Variants in RAVER1 observed in about 807,000 individuals in gnomAD.
The protein encoded by RAVER1 is ribonucleoprotein PTB-binding 1.
RAVER1 carries 36 observed loss-of-function variants against 68.4 expected under a neutral mutation model. That is an observed-to-expected ratio of 0.53 (90% confidence interval 0.40 to 0.70). The LOEUF is 0.70. RAVER1 is among the 30% of genes least tolerant of loss of function. The probability of loss-of-function intolerance (pLI) is 0.00; values close to 1 mark genes in which losing one functional copy is unlikely to be tolerated. For missense variants in RAVER1, 933 were observed against 1,019.8 expected, an observed-to-expected ratio of 0.91 and a Z score of 1.16; for synonymous variants, 469 against 472.7, an observed-to-expected ratio of 0.99 and a Z score of 0.10.
Position 10,333,205 on chromosome 19 carries a change from C to A in RAVER1, c.219+84G>T. On this transcript the variant is annotated intron_variant, in intron 1 of 12. Transcript: ENST00000617231. This position sits in a 1 kb window ranked among gnomAD's most constrained non-coding sequence, Gnocchi z 4.2. ...GCCCCCGCCAACGACCCCCGCGCAC[C>A]TCAGCGTTGGTGTCGCCCGGTTCCC... 5.8e-6 allele frequency: 8 copies of A among 1,378,198 alleles called. No homozygotes were observed. The highest frequency in any genetic ancestry group is 6.9e-6 in the Non-Finnish European group (7 of 1,014,552). 85.4% of individuals were successfully genotyped at this position (1,378,198 alleles called of 1,614,324 possible).
At chr19:10,330,264 G>A (rs1006896846) in intron 2 of RAVER1, among the ~76,000 whole-genome samples, 196 bp downstream of exon 2, 1 of 152,166 alleles carries the variant, frequency 6.6e-6, no homozygotes, top group Non-Finnish European at 1.5e-5. Flanking sequence ...GAATCAGCCC[G>A]ATGCCCAGTG....
At position 10,322,770 on chromosome 19, in the gene RAVER1, GTCCCTGTGTCC is replaced by G. The variant is rs551303080; in HGVS notation, c.1079-42_1079-32del. 2.4e-4 allele frequency: 311 copies of G among 1,274,622 alleles called. No homozygotes were observed. In the African/African-American group the frequency reaches 4.0e-3, roughly 16 times the overall value. The allele number at this position is 1,274,622 out of a possible 1,614,324, so 79.0% of individuals were successfully genotyped here. A position where few individuals can be genotyped will look rare whatever the true frequency, so the allele number is the denominator to read the frequency against. On this transcript the variant is annotated intron_variant, in intron 5 of 12. Coordinates refer to ENST00000617231, the MANE Select transcript of RAVER1 (RefSeq NM_133452.3). The surrounding 1 kb of genome is among the most constrained non-coding windows in gnomAD (Gnocchi z 4.3). ...GGGAGACATAGGAGGATGTGTGGGG[GTCCCTGTGTCC>G]TCCCTGCCCCACCTCACGAAACACA...
intron 9 of RAVER1, among the ~76,000 whole-genome samples, chr19:10,320,332 C>T (rs76255695): frequency 0.029 from 4,424 of 151,694 alleles, 85 homozygotes; most frequent in East Asian, 0.047. Context: ...AATGAGACTC[C>T]GTCTCTACCA....
chr19:10,323,433 C>T lies in RAVER1; in HGVS notation c.890G>A (p.Cys297Tyr), dbSNP rs1480605250. 1 of 1,608,860 alleles carries T rather than the reference C, an allele frequency of 6.2e-7. No individual in the cohort carries two copies. The highest frequency in any genetic ancestry group is 2.2e-5 in the East Asian group (1 of 44,770). ...ACTGCGGCCGGGGGGCCCAGGGGCG[C>T]AGAAGGAGACTCGCAGGTGGCTGCC... ...LGGSHLRVSF[C>Y]APGPPGRSML... Residue 297 changes from cysteine (C) to tyrosine (Y), a missense_variant, in exon 4 of 13, where the codon TGC (cysteine) becomes TAC (tyrosine). Physicochemically the swap from Cys to Tyr is radical, Grantham distance 194. Coordinates refer to ENST00000617231, the MANE Select transcript of RAVER1 (RefSeq NM_133452.3). This position sits in a 1 kb window ranked among gnomAD's most constrained non-coding sequence, Gnocchi z 6.2.
Position 10,317,775 on chromosome 19 carries a change from T to C in RAVER1, c.1990-2A>G. The C allele has an allele frequency of 6.4e-7, 1 of 1,562,432 alleles. No homozygotes were observed. Among genetic ancestry groups the C allele is most frequent in the African/African-American group, 1.4e-5 (1 of 74,062 alleles). On this transcript the variant is annotated splice_acceptor_variant, in intron 11 of 12. Transcript: ENST00000617231. LOFTEE classifies it high-confidence loss of function. The surrounding 1 kb of genome is among the most constrained non-coding windows in gnomAD (Gnocchi z 4.3). ...CCCCAGCGGGGAAGAGCCGATTGCC[T>C]GGGAGAAATGGAGAGGTGGAACAGG... is the stretch of plus-strand genomic sequence containing the variant.
intron 1 of RAVER1, among the ~76,000 whole-genome samples, chr19:10,330,969 TAGG>T (rs1422160902): frequency 3.5e-5 from 5 of 144,642 alleles, no homozygotes; most frequent in Admixed American, 3.4e-4. Flanking sequence ...GAGGCTGAGG[TAGG>T]AGAACTGCTT....
In RAVER1 at chr19:10,319,363, C is replaced by T. The variant is rs1054299203; in HGVS notation, c.1771-123G>A. The T allele has an allele frequency of 4.2e-6, 4 of 942,706 alleles. No individual in the cohort carries two copies. The Admixed American group carries it at 8.9e-5, about 21-fold the overall frequency. 58.4% of individuals were successfully genotyped at this position (942,706 alleles called of 1,614,324 possible). On this transcript the variant is annotated intron_variant, in intron 9 of 12. Coordinates refer to ENST00000617231, the MANE Select transcript of RAVER1 (RefSeq NM_133452.3). ...CCACCACTCTGGGACCAGGAAGAGG[C>T]AAATTTGGGGCTGGATGCAGCTTGG...
intron 10 of RAVER1, among the ~76,000 whole-genome samples, chr19:10,318,768 G>A (rs985809756): frequency 2.6e-5 from 4 of 152,206 alleles, no homozygotes; most frequent in South Asian, 2.1e-4. Context: ...ATCACCGCAC[G>A]AATGGGCACA....
Position 10,333,186 on chromosome 19 carries a change from G to A in RAVER1, c.219+103C>T, listed in dbSNP as rs2040536305. The A allele has an allele frequency of 2.5e-6, 3 of 1,206,986 alleles. No individual in the cohort carries two copies. Among genetic ancestry groups the A allele is most frequent in the East Asian group, 2.6e-5 (1 of 38,508 alleles). 74.8% of individuals were successfully genotyped at this position (1,206,986 alleles called of 1,614,324 possible). A position where few individuals can be genotyped will look rare whatever the true frequency, so the allele number is the denominator to read the frequency against. ...GTGGATCCGGTGCTTGGGCGCCCCCGCCAACGACCCCCGCGCACCTCAGCG... is the reference window on the plus strand; with the variant it reads ...GTGGATCCGGTGCTTGGGCGCCCCCACCAACGACCCCCGCGCACCTCAGCG... On this transcript the variant is annotated intron_variant, in intron 1 of 12. Coordinates refer to ENST00000617231, the MANE Select transcript of RAVER1 (RefSeq NM_133452.3). This position sits in a 1 kb window ranked among gnomAD's most constrained non-coding sequence, Gnocchi z 4.2.
chr19:10,323,140 C>T lies in RAVER1; in HGVS notation c.1078+5G>A, dbSNP rs78259589. The T allele has an allele frequency of 7.6e-6, 12 of 1,585,484 alleles. No individual in the cohort carries two copies. The highest frequency in any genetic ancestry group is 1.3e-5 in the African/African-American group (1 of 74,328). On this transcript the variant is annotated splice_donor_5th_base_variant and intron_variant, in intron 5 of 12. Transcript: ENST00000617231. This position sits in a 1 kb window ranked among gnomAD's most constrained non-coding sequence, Gnocchi z 6.2. Reference sequence around the variant, plus strand: ...CAGTGGGGCCCCTGTCCAGCCCCACCTTACCCTGCTTCCCCCCCGCACTGC... The same window carrying T: ...CAGTGGGGCCCCTGTCCAGCCCCACTTTACCCTGCTTCCCCCCCGCACTGC...
At chr19:10,331,679 C>T (rs573674896) in intron 1 of RAVER1, among the ~76,000 whole-genome samples, 945 of 72,142 alleles carry the variant, frequency 0.013, 2 homozygotes, top group Admixed American at 0.018. Context: ...AGTGAGACTC[C>T]GTCTCAAAAA....
At chr19:10,321,676 A>G in intron 6 of RAVER1, 58 bp from the exon 7 acceptor site, 1 of 1,323,666 alleles carries the variant, frequency 7.6e-7, no homozygotes, top group Non-Finnish European at 9.9e-7. Flanking sequence ...GGAAGCAGAC[A>G]GGTGTGGCCC....
Position 10,317,279 on chromosome 19 carries a change from A to G in RAVER1, c.*175T>C, listed in dbSNP as rs1023410024. The G allele has an allele frequency of 5.8e-6, 4 of 694,280 alleles. No individual in the cohort carries two copies. In the African/African-American group the frequency reaches 7.3e-5, roughly 13 times the overall value. 43.0% of individuals were successfully genotyped at this position (694,280 alleles called of 1,614,324 possible). ...GCCAGAGACATAATGAGGCCTCCAG[A>G]CTCCCCCACACCCCTTGGGCTCCTG... On this transcript the variant is annotated 3_prime_UTR_variant, in exon 13 of 13. Coordinates refer to ENST00000617231, the MANE Select transcript of RAVER1 (RefSeq NM_133452.3). This position sits in a 1 kb window ranked among gnomAD's most constrained non-coding sequence, Gnocchi z 4.3.
In RAVER1 at chr19:10,322,850, C is replaced by G. The variant is rs551338405; in HGVS notation, c.1079-111G>C. On this transcript the variant is annotated intron_variant, in intron 5 of 12. Coordinates refer to ENST00000617231, the MANE Select transcript of RAVER1 (RefSeq NM_133452.3). The surrounding 1 kb of genome is among the most constrained non-coding windows in gnomAD (Gnocchi z 4.3). The stretch of plus-strand genomic sequence containing the variant: ...GGGCAGGAAACTGACACTCTGGGGC[C>G]GGGGGGTGGGCAGTGGACTTGCCCA... 8.3e-6 allele frequency: 5 copies of G among 603,414 alleles called. No individual in the cohort carries two copies. The highest frequency in any genetic ancestry group is 5.0e-5 in the South Asian group (2 of 39,912). 37.4% of individuals were successfully genotyped at this position (603,414 alleles called of 1,614,324 possible).
rs2040431858 is a variant in RAVER1 at position 10,320,911 on chromosome 19, G to A, written c.1514C>T (p.Pro505Leu). ...GTGTAGGTTCAGGTAGGGATTCAGG[G>A]GAATCCGGTAGTCCTTGGGGGGCTC... is the stretch of plus-strand genomic sequence containing the variant. ...LGEPPKDYRI[P>L]LNPYLNLHSL... The change falls in exon 9 of 13, where the codon CCC becomes CTC. Residue 505 changes from proline to leucine, a missense_variant. This residue lies in a region of RAVER1 where 699 missense variants were observed against 731.1 expected (regional missense o/e 0.96). Coordinates refer to ENST00000617231, the MANE Select transcript of RAVER1 (RefSeq NM_133452.3). The A allele has an allele frequency of 1.3e-6, 2 of 1,506,202 alleles. No homozygotes were observed. The highest frequency in any genetic ancestry group is 1.8e-6 in the Non-Finnish European group (2 of 1,132,978). The allele number at this position is 1,506,202 out of a possible 1,614,324, so 93.3% of individuals were successfully genotyped here. A position where few individuals can be genotyped will look rare whatever the true frequency, so the allele number is the denominator to read the frequency against.
At position 10,323,202 on chromosome 19, in the gene RAVER1, C is replaced by T. The variant is rs368847000; in HGVS notation, c.1021G>A (p.Ala341Thr). The T allele has an allele frequency of 1.5e-4, 235 of 1,612,814 alleles. No homozygotes were observed. The highest frequency in any genetic ancestry group is 1.8e-4 in the Non-Finnish European group (207 of 1,179,418). Residue 341 changes from alanine to threonine, a missense_variant, in exon 5 of 13, where the codon GCG (alanine) becomes ACG (threonine). Transcript: ENST00000617231. The surrounding 1 kb of genome is among the most constrained non-coding windows in gnomAD (Gnocchi z 6.2). Reference sequence around the variant, plus strand: ...GGGTTGAGCAGCAGCTGGAGGGACGCGGATGGGCCCAGGTTGTTGAGCAGC... The same window carrying T: ...GGGTTGAGCAGCAGCTGGAGGGACGTGGATGGGCCCAGGTTGTTGAGCAGC... ...LQLLNNLGPS[A>T]SLQLLLNPLL...
In RAVER1 at chr19:10,317,489, C is replaced by T. The variant is rs757855682; in HGVS notation, c.2185G>A (p.Ala729Thr). Reference sequence around the variant, plus strand: ...CTCTTCCGCTTCAGGTAGGAGTCCGCGTAGTGGCCGCCGAGGCCCTGGGAG... The same window carrying T: ...CTCTTCCGCTTCAGGTAGGAGTCCGTGTAGTGGCCGCCGAGGCCCTGGGAG... ...QHSQGLGGHY[A>T]DSYLKRKRIF is the part of the protein sequence containing the mutation. The change falls in exon 13 of 13, where the codon GCG becomes ACG. Residue 729 changes from alanine (A) to threonine (T), a missense_variant. By Grantham distance (58) the Ala-to-Thr change is moderately conservative. Around this residue, in one of 3 missense-constraint regions of RAVER1, gnomAD observed 699 missense variants for 731.1 expected, o/e 0.96. Coordinates refer to ENST00000617231, the MANE Select transcript of RAVER1 (RefSeq NM_133452.3). The surrounding 1 kb of genome is among the most constrained non-coding windows in gnomAD (Gnocchi z 4.3). The T allele has an allele frequency of 1.9e-5, 31 of 1,613,742 alleles. No homozygotes were observed. The highest frequency in any genetic ancestry group is 2.5e-5 in the Non-Finnish European group (29 of 1,179,742).
Position 10,323,226 on chromosome 19 carries a change from G to A in RAVER1, c.997C>T (p.Leu333=), listed in dbSNP as rs2145073411. The A allele has an allele frequency of 6.2e-7, 1 of 1,613,438 alleles. No homozygotes were observed. The highest frequency in any genetic ancestry group is 8.5e-7 in the Non-Finnish European group (1 of 1,179,596). The change falls in exon 5 of 13, where the codon CTG becomes TTG. Residue 333 remains leucine, a synonymous_variant. Coordinates refer to ENST00000617231, the MANE Select transcript of RAVER1 (RefSeq NM_133452.3). This position sits in a 1 kb window ranked among gnomAD's most constrained non-coding sequence, Gnocchi z 6.2. ...GLLPEPNILQ[L]LNNLGPSASL... ...GCGGATGGGCCCAGGTTGTTGAGCA[G>A]CTGCAGGATGTTGGGCTCGGGGAGG...
intron 3 of RAVER1, among the ~76,000 whole-genome samples, chr19:10,327,476 C>T (rs1215565779): frequency 6.6e-6 from 1 of 152,118 alleles, no homozygotes; most frequent in Non-Finnish European, 1.5e-5. Flanking sequence ...TGGTCTCGAA[C>T]TCCTGGGCTC....
Sources: allele counts gnomAD v4.1 joint callset (sites outside exome capture counted in the v4.1 genomes callset), GRCh38; gene constraint gnomAD v4.1.1; regional missense constraint gnomAD v4.1.1; non-coding constraint Gnocchi (gnomAD v3.1); transcripts MANE v1.5; gene names NCBI Gene and HGNC (gene_info 2026-07-23, HGNC 2026-07-21).